ZNG1A: variants seen among roughly 807,000 people sequenced by gnomAD.
The protein encoded by ZNG1A is zinc-regulated GTPase metalloprotein activator 1A.
At chr9:160,471 A>G in the ZNG1A span, among the ~76,000 whole-genome samples, 99 of 152,158 alleles carry the variant, frequency 6.5e-4, no homozygotes, top group Middle Eastern at 3.4e-3. Flanking sequence ...TAGAAAATCT[A>G]AAGTTTCCAT....
At chr9:128,076 T>C in the ZNG1A span, among the ~76,000 whole-genome samples, 2 of 152,242 alleles carry the variant, frequency 1.3e-5, no homozygotes, top group African/African-American at 4.8e-5. Context: ...CTGGTAAGTT[T>C]TCCTTTACAG....
At chr9:158,652 C>A in the ZNG1A span, among the ~76,000 whole-genome samples, 2 of 150,762 alleles carry the variant, frequency 1.3e-5, no homozygotes, top group African/African-American at 4.9e-5. Flanking sequence ...TCAAAGCTAA[C>A]AGTGGTAGAC....
the ZNG1A span, chr9:146,326 T>C: frequency 3.2e-6 from 2 of 619,840 alleles, no homozygotes; most frequent in African/African-American, 3.9e-5. Flanking sequence ...ATTATTTGTT[T>C]ATTACTTCAA....
the ZNG1A span, among the ~76,000 whole-genome samples, chr9:159,518 G>T: frequency 3.9e-5 from 6 of 152,132 alleles, no homozygotes; most frequent in Non-Finnish European, 8.8e-5. Context: ...TTCACACATT[G>T]TATACCTTAA....
At chr9:174,095 C>T in the ZNG1A span, among the ~76,000 whole-genome samples, 1 of 149,460 alleles carries the variant, frequency 6.7e-6, no homozygotes, top group Non-Finnish European at 1.5e-5. Context: ...TGCAGTGACC[C>T]GAGACTGCGC....
At chr9:125,891 T>C in the ZNG1A span, among the ~76,000 whole-genome samples, 155 of 51,222 alleles carry the variant, frequency 3.0e-3, 58 homozygotes, top group Non-Finnish European at 5.2e-3. Context: ...TTCTGTTCCA[T>C]TGGTCCATGT....
chr9:145,802 G>C, the ZNG1A span, among the ~76,000 whole-genome samples: 1 of 151,932 alleles, frequency 6.6e-6, no homozygotes, highest in Non-Finnish European at 1.5e-5. Context: ...AATTTTCTAT[G>C]TATTTCATGC....
At chr9:139,621 A>G in the ZNG1A span, among the ~76,000 whole-genome samples, 1 of 152,078 alleles carries the variant, frequency 6.6e-6, no homozygotes, top group Non-Finnish European at 1.5e-5. Context: ...GAAGGCAGAA[A>G]ACTAATCCAT....
At chr9:162,576 A>G in the ZNG1A span, 8 of 991,554 alleles carry the variant, frequency 8.1e-6, no homozygotes, top group Non-Finnish European at 1.1e-5. Flanking sequence ...TCAGTTCACA[A>G]ATACTACTCA....
chr9:170,454 C>T, the ZNG1A span, among the ~76,000 whole-genome samples: 37 of 150,692 alleles, frequency 2.5e-4, 1 homozygote, highest in Non-Finnish European at 4.7e-4. Context: ...GGCGTGATCT[C>T]GGCTCACCGC....
the ZNG1A span, chr9:147,786 G>A: frequency 6.8e-6 from 1 of 147,356 alleles, no homozygotes; most frequent in Non-Finnish European, 1.5e-5. Context: ...CTCCACTTTG[G>A]GAGGCCAAGG....
chr9:170,407 G>GCGTGTGTA, the ZNG1A span, among the ~76,000 whole-genome samples: 1 of 145,822 alleles, frequency 6.9e-6, no homozygotes, highest in African/African-American at 2.6e-5. Flanking sequence ...GTGTGTGTGT[G>GCGTGTGTA]TACAGTCTTG....
the ZNG1A span, among the ~76,000 whole-genome samples, chr9:138,651 C>A: frequency 6.9e-6 from 1 of 144,234 alleles, no homozygotes; most frequent in African/African-American, 2.7e-5. Flanking sequence ...GTAATCCCAG[C>A]ACTTTGGGAG....
chr9:140,585 GA>G, the ZNG1A span, among the ~76,000 whole-genome samples: 1 of 149,696 alleles, frequency 6.7e-6, no homozygotes, highest in Admixed American at 6.7e-5. Flanking sequence ...AGAAAAACTG[GA>G]AACTCTAAAA....
chr9:176,015 C>T, the ZNG1A span, among the ~76,000 whole-genome samples: 1 of 150,062 alleles, frequency 6.7e-6, no homozygotes, highest in Non-Finnish European at 1.5e-5. Context: ...CAAGTTGAAA[C>T]AGCTTCTTCA....
chr9:126,665 C>A, the ZNG1A span, among the ~76,000 whole-genome samples: 1 of 151,952 alleles, frequency 6.6e-6, no homozygotes, highest in African/African-American at 2.4e-5. Context: ...CTTTTTGTTT[C>A]ATTTATCTTT....
chr9:177,578 G>A, the ZNG1A span: 64,988 of 1,462,390 alleles, frequency 0.044, 2,518 homozygotes, highest in African/African-American at 0.2. Flanking sequence ...GAAAAATGTA[G>A]TAGAAGCCAA....
At chr9:150,647 A>G in the ZNG1A span, 1 of 982,764 alleles carries the variant, frequency 1.0e-6, no homozygotes, top group Non-Finnish European at 1.2e-6. Flanking sequence ...CATACACTGA[A>G]TAATTCACAG....
chr9:163,997 C>T, the ZNG1A span: 3 of 1,597,492 alleles, frequency 1.9e-6, 1 homozygote, highest in African/African-American at 2.8e-5. Context: ...AAATATCACT[C>T]CCTAATTCAG....
Sources: gnomAD v4.1 joint callset for allele counts (sites outside exome capture counted in the v4.1 genomes callset) on GRCh38, gnomAD v4.1.1 for gene constraint, MANE v1.5 for transcripts, NCBI Gene and HGNC (gene_info 2026-07-23, HGNC 2026-07-21) for gene names.